DNAH6: variants seen among roughly 807,000 people sequenced by gnomAD.
DNAH6 encodes axonemal beta dynein heavy chain 6.
In DNAH6, 340 loss-of-function variants were observed where a neutral mutation model predicts 491.4. The ratio of observed to expected loss-of-function variants is 0.69; its 90% confidence interval spans 0.63 to 0.76. The LOEUF is 0.76. Among genes scored for constraint, DNAH6 ranks in the 30% least tolerant of loss-of-function variants. The pLI is 0.00. For synonymous variants in DNAH6, 1,603 were observed against 1,686.1 expected (o/e 0.95, Z 1.21); for missense variants, 4,443 against 4,972.2 (o/e 0.89, Z 3.20).
intron 64 of DNAH6, among the ~76,000 whole-genome samples, chr2:84,767,881 A>T (rs1675237323): frequency 6.6e-6 from 1 of 152,198 alleles, no homozygotes; most frequent in South Asian, 2.1e-4. Flanking sequence ...GTGGGGGGAA[A>T]AAAAAGAACA....
At chr2:84,574,628 G>T (rs1415229786) in intron 12 of DNAH6, among the ~76,000 whole-genome samples, 1 of 152,078 alleles carries the variant, frequency 6.6e-6, no homozygotes, top group Non-Finnish European at 1.5e-5. Context: ...ATTTAGACAA[G>T]CCTACTTCCA....
intron 63 of DNAH6, among the ~76,000 whole-genome samples, chr2:84,751,624 A>G (rs1673481854): frequency 6.6e-6 from 1 of 152,250 alleles, no homozygotes; most frequent in Non-Finnish European, 1.5e-5. Flanking sequence ...GGAAAAGGTT[A>G]TTAGGAATTT....
chr2:84,700,083 G>C (rs1165307460), intron 48 of DNAH6, among the ~76,000 whole-genome samples: 1 of 152,132 alleles, frequency 6.6e-6, no homozygotes, highest in Non-Finnish European at 1.5e-5. Context: ...AGAGAGATGG[G>C]GCAAGAGCTA....
At chr2:84,584,444 T>A in intron 15 of DNAH6, 194 bp downstream of exon 15, 2 of 589,830 alleles carry the variant, frequency 3.4e-6, no homozygotes, top group Non-Finnish European at 5.7e-6. Flanking sequence ...CATCATTTTT[T>A]GTGGTGAGAA....
At chr2:84,624,102 T>C (rs1024939612) in intron 26 of DNAH6, among the ~76,000 whole-genome samples, 163 bp from the exon 27 acceptor site, 1 of 152,250 alleles carries the variant, frequency 6.6e-6, no homozygotes, top group Non-Finnish European at 1.5e-5. Flanking sequence ...AGAAGTCTTA[T>C]GAGAATTAAA....
At chr2:84,644,137 T>C (rs1689674203) in intron 33 of DNAH6, among the ~76,000 whole-genome samples, 1 of 152,170 alleles carries the variant, frequency 6.6e-6, no homozygotes, top group Admixed American at 6.5e-5. Flanking sequence ...TCATAAGTGT[T>C]TCTCAGTTTC....
intron 49 of DNAH6, among the ~76,000 whole-genome samples, chr2:84,701,605 G>A (rs553639568): frequency 4.6e-5 from 7 of 152,324 alleles, no homozygotes; most frequent in Admixed American, 2.6e-4. Context: ...ATGGCAGAAG[G>A]TGAAGAGGAA....
In DNAH6 at chr2:84,815,949, CA is replaced by C; in HGVS notation, c.12240del (p.Leu4081CysfsTer5). 6.4e-7 allele frequency: 1 copy of C among 1,551,868 alleles called. No homozygotes were observed. The highest frequency in any genetic ancestry group is 8.7e-7 in the Non-Finnish European group (1 of 1,147,016). On this transcript the variant is annotated frameshift_variant, in exon 76 of 77. Coordinates refer to ENST00000389394, the MANE Select transcript of DNAH6 (RefSeq NM_001370.2). LOFTEE classifies it high-confidence loss of function. ...WDDKEMVIED[A>X]LPGQMNPVLP... ...GATAAGGAGATGGTGATAGAAGATG[CA>C]TTGCCCGGACAGATGAATCCAGTGC...
At chr2:84,738,912 T>C (rs747198125) in intron 62 of DNAH6, among the ~76,000 whole-genome samples, 30 of 152,202 alleles carry the variant, frequency 2.0e-4, no homozygotes, top group Admixed American at 4.6e-4. Flanking sequence ...CTTTATTGTA[T>C]AGTTGCTTTA....
At position 84,710,312 on chromosome 2, in the gene DNAH6, A is replaced by G; in HGVS notation, c.9278A>G (p.Glu3093Gly). The G allele has an allele frequency of 6.4e-7, 1 of 1,551,700 alleles. No individual in the cohort carries two copies. Among genetic ancestry groups the G allele is most frequent in the African/African-American group, 1.4e-5 (1 of 73,184 alleles). ...DQANRWIRNKESKSGLKIIKL... is the reference protein window; with the variant it reads ...DQANRWIRNKGSKSGLKIIKL... ...GCAAACCGTTGGATAAGGAACAAGGAAAGCAAAAGTGGTTTAAAGATCATT... is the reference window on the plus strand; with the variant it reads ...GCAAACCGTTGGATAAGGAACAAGGGAAGCAAAAGTGGTTTAAAGATCATT... Residue 3093 changes from glutamate (E) to glycine (G), a missense_variant, in exon 56 of 77, where the codon GAA becomes GGA. Around this residue, in one of 3 missense-constraint regions of DNAH6, gnomAD observed 1,463 missense variants for 1,656.6 expected, o/e 0.88. Transcript: ENST00000389394.
intron 72 of DNAH6, among the ~76,000 whole-genome samples, chr2:84,811,328 G>A (rs1338910600): frequency 6.6e-6 from 1 of 152,152 alleles, no homozygotes; most frequent in Non-Finnish European, 1.5e-5. Flanking sequence ...CCCAATATAT[G>A]GCAGTTTTCA....
At chr2:84,813,822 C>T (rs1680233480) in intron 74 of DNAH6, 149 bp from the exon 75 acceptor site, 1 of 744,106 alleles carries the variant, frequency 1.3e-6, no homozygotes, top group East Asian at 2.8e-5. Flanking sequence ...ACCCTGTGAA[C>T]TAACTCAGAG....
intron 2 of DNAH6, among the ~76,000 whole-genome samples, chr2:84,520,451 A>G (rs1021114114): frequency 6.6e-6 from 1 of 152,136 alleles, no homozygotes; most frequent in African/African-American, 2.4e-5. Context: ...ATTCAGGGGT[A>G]TATGTACAGA....
At chr2:84,757,918 G>A (rs532649950) in intron 63 of DNAH6, among the ~76,000 whole-genome samples, 1 of 152,274 alleles carries the variant, frequency 6.6e-6, no homozygotes, top group African/African-American at 2.4e-5. Flanking sequence ...TTTAACTGAT[G>A]CATCTCCTTT....
intron 37 of DNAH6, among the ~76,000 whole-genome samples, chr2:84,662,227 C>A (rs1691579207): frequency 6.6e-6 from 1 of 152,266 alleles, no homozygotes; most frequent in Middle Eastern, 3.4e-3. Context: ...TTGATTTCTG[C>A]ATTTCCAACT....
chr2:84,710,417 G>T lies in DNAH6; in HGVS notation c.9378+5G>T. ...TTACCTGTCTTACTGGAAGAGGTTT[G>T]ATTTTCACTTCCTTTTCTCATGTCA... is the stretch of plus-strand genomic sequence containing the variant. On this transcript the variant is annotated splice_donor_5th_base_variant and intron_variant, in intron 56 of 76. Coordinates refer to ENST00000389394, the MANE Select transcript of DNAH6 (RefSeq NM_001370.2). 3 of 1,551,426 alleles carry T rather than the reference G, an allele frequency of 1.9e-6. No homozygotes were observed. The highest frequency in any genetic ancestry group is 2.4e-5 in the South Asian group (2 of 83,972).
chr2:84,687,397 A>G (rs1694373560), intron 44 of DNAH6, among the ~76,000 whole-genome samples: 1 of 152,094 alleles, frequency 6.6e-6, no homozygotes, highest in Non-Finnish European at 1.5e-5. Flanking sequence ...CTCTCAATCA[A>G]TGCTGGTTCA....
chr2:84,537,219 T>C (rs1426026701), intron 4 of DNAH6, among the ~76,000 whole-genome samples: 2 of 152,052 alleles, frequency 1.3e-5, no homozygotes, highest in Non-Finnish European at 2.9e-5. Flanking sequence ...AAAAATGACA[T>C]CAATTAGTAA....
chr2:84,738,544 A>G (rs572167275), intron 62 of DNAH6, among the ~76,000 whole-genome samples: 1 of 152,294 alleles, frequency 6.6e-6, no homozygotes, highest in African/African-American at 2.4e-5. Context: ...ATACACATAT[A>G]TCTAGGACAC....
Sources: allele counts gnomAD v4.1 joint callset (sites outside exome capture counted in the v4.1 genomes callset), GRCh38; gene constraint gnomAD v4.1.1; regional missense constraint gnomAD v4.1.1; transcripts MANE v1.5; gene names NCBI Gene and HGNC (gene_info 2026-07-23, HGNC 2026-07-21).